The following SAMD12 variants were observed in gnomAD, a reference collection of about 807,000 sequenced individuals.
The protein encoded by SAMD12 is sterile alpha motif domain-containing protein 12.
Under a neutral mutation model 15.0 loss-of-function variants are expected in SAMD12, and 9 were observed. The observed-to-expected ratio is 0.60, with a 90% CI of 0.36 to 1.05. The LOEUF is 1.05. Ranked by LOEUF, SAMD12 falls within the 50% of genes least tolerant of loss-of-function variation. The pLI is 0.01. For missense variants in SAMD12, 230 were observed against 234.2 expected (o/e 0.98, Z 0.12); for synonymous variants, 86 against 90.1 (o/e 0.96, Z 0.25).
chr8:118,452,121 A>T (rs1397608035), intron 2 of SAMD12, among the ~76,000 whole-genome samples: 1 of 151,600 alleles, frequency 6.6e-6, no homozygotes, highest in Non-Finnish European at 1.5e-5. Context: ...TCTGTGCAAA[A>T]GAGGACACGA....
chr8:118,297,930 A>G (rs1814801533), intron 4 of SAMD12, among the ~76,000 whole-genome samples: 2 of 152,218 alleles, frequency 1.3e-5, no homozygotes, highest in Non-Finnish European at 2.9e-5. Flanking sequence ...GCATTGTAGA[A>G]GCAGAAAAAA....
intron 4 of SAMD12, among the ~76,000 whole-genome samples, chr8:118,317,470 C>T (rs1463686783): frequency 6.6e-6 from 1 of 152,142 alleles, no homozygotes; most frequent in Non-Finnish European, 1.5e-5. Flanking sequence ...TGATCGAGAA[C>T]TGCAGACAAT....
chr8:118,167,910 A>G, the SAMD12 span, among the ~76,000 whole-genome samples: 75,252 of 151,974 alleles, frequency 0.5, 21,418 homozygotes, highest in Non-Finnish European at 0.64. Context: ...CCAACTGAAC[A>G]TAACAATGTG....
intron 3 of SAMD12, among the ~76,000 whole-genome samples, chr8:118,398,174 A>G (rs576079140): frequency 6.6e-6 from 1 of 152,280 alleles, no homozygotes; most frequent in East Asian, 1.9e-4. Flanking sequence ...GGCCGGGCAG[A>G]TCATTTGAGG....
chr8:118,244,010 T>C (rs1163459825), intron 4 of SAMD12, among the ~76,000 whole-genome samples: 2 of 152,120 alleles, frequency 1.3e-5, no homozygotes, highest in Non-Finnish European at 2.9e-5. Context: ...GAGTTTTATA[T>C]CTCAGAGTTA....
intron 2 of SAMD12, among the ~76,000 whole-genome samples, chr8:118,571,155 C>G (rs1332786871): frequency 6.6e-6 from 1 of 152,020 alleles, no homozygotes; most frequent in African/African-American, 2.4e-5. Context: ...TAAATTGGTA[C>G]TAGGAGTGGG....
At chr8:118,319,149 G>A (rs1351507931) in intron 4 of SAMD12, among the ~76,000 whole-genome samples, 1 of 152,138 alleles carries the variant, frequency 6.6e-6, no homozygotes, top group Admixed American at 6.6e-5. Flanking sequence ...TCTACCATGA[G>A]TATTCCAGAA....
chr8:118,400,699 G>A (rs1820827868), intron 3 of SAMD12: 2 of 152,102 alleles, frequency 1.3e-5, no homozygotes, highest in Admixed American at 6.5e-5. Context: ...ATGGAGCATA[G>A]CAGGATACAT....
At chr8:118,410,370 C>T (rs1375328842) in intron 3 of SAMD12, among the ~76,000 whole-genome samples, 1 of 152,154 alleles carries the variant, frequency 6.6e-6, no homozygotes, top group Non-Finnish European at 1.5e-5. Flanking sequence ...TGGAATATTA[C>T]TTGCATTAAT....
intron 4 of SAMD12, among the ~76,000 whole-genome samples, chr8:118,234,570 G>T (rs1249874263): frequency 1.3e-5 from 2 of 151,940 alleles, no homozygotes; most frequent in South Asian, 2.1e-4. Flanking sequence ...AATTAGCCAG[G>T]CATGGTGGCA....
chr8:118,557,375 T>C (rs139556390), intron 2 of SAMD12, among the ~76,000 whole-genome samples: 69 of 152,360 alleles, frequency 4.5e-4, no homozygotes, highest in African/African-American at 9.6e-4. Context: ...CTTTTCTATA[T>C]AAATTACTCA....
chr8:118,384,270 T>C (rs749645238), intron 3 of SAMD12, among the ~76,000 whole-genome samples: 1 of 152,152 alleles, frequency 6.6e-6, no homozygotes, highest in Non-Finnish European at 1.5e-5. Context: ...GAGAGGACTT[T>C]GGATTTTACT....
chr8:118,609,149 A>G (rs1484865682), intron 1 of SAMD12, among the ~76,000 whole-genome samples: 3 of 152,228 alleles, frequency 2.0e-5, no homozygotes, highest in African/African-American at 4.8e-5. Context: ...TGACTCACCC[A>G]AAGTTTTAGT....
intron 2 of SAMD12, among the ~76,000 whole-genome samples, chr8:118,506,621 G>A (rs1183872649): frequency 6.6e-6 from 1 of 152,012 alleles, no homozygotes; most frequent in Non-Finnish European, 1.5e-5. Context: ...TAAATGACTT[G>A]AGGCATGAAG....
intron 2 of SAMD12, among the ~76,000 whole-genome samples, chr8:118,498,437 G>A (rs907929248): frequency 5.9e-5 from 9 of 152,248 alleles, no homozygotes; most frequent in South Asian, 2.1e-4. Flanking sequence ...TTACTACCTC[G>A]CAACACTGCT....
intron 2 of SAMD12, among the ~76,000 whole-genome samples, chr8:118,568,888 A>T (rs1474722835): frequency 2.0e-5 from 3 of 152,214 alleles, no homozygotes; most frequent in African/African-American, 7.2e-5. Context: ...GAACAACCAC[A>T]GGAGCTGACA....
chr8:118,142,496 A>T, the SAMD12 span, among the ~76,000 whole-genome samples: 3 of 152,190 alleles, frequency 2.0e-5, no homozygotes, highest in Non-Finnish European at 4.4e-5. Context: ...TTCAATTCAT[A>T]TCTATCGAAT....
intron 1 of SAMD12, among the ~76,000 whole-genome samples, chr8:118,590,787 CAT>C (rs2131278616): frequency 6.6e-6 from 1 of 152,272 alleles, no homozygotes; most frequent in African/African-American, 2.4e-5. Context: ...AAAGACAATC[CAT>C]AGACACCAAC....
chr8:118,537,679 C>T (rs1376641565), intron 2 of SAMD12, among the ~76,000 whole-genome samples: 3 of 152,096 alleles, frequency 2.0e-5, no homozygotes, highest in East Asian at 3.9e-4. Context: ...ATTCTGAATT[C>T]CTTCTCTGTG....
Sources: allele counts gnomAD v4.1 joint callset (sites outside exome capture counted in the v4.1 genomes callset), GRCh38; gene constraint gnomAD v4.1.1; transcripts MANE v1.5; gene names NCBI Gene and HGNC (gene_info 2026-07-23, HGNC 2026-07-21).